IGF2BP3: variants seen among roughly 807,000 people sequenced by gnomAD.
IGF2BP3 encodes the protein insulin-like growth factor 2 mRNA-binding protein 3.
IGF2BP3 carries 9 observed loss-of-function variants against 73.8 expected under a neutral mutation model. The ratio of observed to expected loss-of-function variants is 0.12; its 90% confidence interval spans 0.07 to 0.21. The LOEUF is 0.21. Ranked by LOEUF, IGF2BP3 falls within the 10% of genes least tolerant of loss-of-function variation. The pLI is 1.00. For synonymous variants in IGF2BP3, 258 were observed against 256.7 expected (o/e 1.01, Z -0.05); for missense variants, 542 against 714.0 (o/e 0.76, Z 2.75).
Position 23,312,365 on chromosome 7 carries a change from C to A in IGF2BP3, c.1737G>T (p.Lys579Asn). 6.2e-7 allele frequency: 1 copy of A among 1,610,100 alleles called. No individual in the cohort carries two copies. Residue 579 changes from lysine (K) to asparagine (N), a missense_variant, in exon 15 of 15, where the codon AAG (lysine) becomes AAT (asparagine). This residue lies in a region of IGF2BP3 where 303 missense variants were observed against 472.1 expected (regional missense o/e 0.64). Coordinates refer to ENST00000258729, the MANE Select transcript of IGF2BP3 (RefSeq NM_006547.3). ...TGGTGGGCTGTTTCCTGAGCCTTTA[C>A]TTCCGTCTTGACTGAGGTGGTCCAC... ...LQSGPPQSRR[K>N]
chr7:23,373,523 G>A (rs1282948545), intron 3 of IGF2BP3, among the ~76,000 whole-genome samples: 1 of 152,120 alleles, frequency 6.6e-6, no homozygotes, highest in Non-Finnish European at 1.5e-5. Flanking sequence ...GATTCAAGGG[G>A]CATCATAAAA....
At chr7:23,436,703 A>G (rs1227982734) in intron 2 of IGF2BP3, among the ~76,000 whole-genome samples, 1 of 152,240 alleles carries the variant, frequency 6.6e-6, no homozygotes, top group Admixed American at 6.5e-5. Flanking sequence ...TATTTCCTAT[A>G]CCACAAAAAA....
chr7:23,468,386 G>C lies in IGF2BP3; in HGVS notation c.236+96C>G, dbSNP rs189524962. The C allele has an allele frequency of 1.3e-3, 1,638 of 1,246,476 alleles. 25 individuals are homozygous for C. In the Admixed American group the frequency reaches 0.023, roughly 17 times the overall value. The allele number at this position is 1,246,476 out of a possible 1,614,324, so 77.2% of individuals were successfully genotyped here. A position where few individuals can be genotyped will look rare whatever the true frequency, so the allele number is the denominator to read the frequency against. ...ACCGGAACACCACGCCACACGGCAG[G>C]GGGTAAGCACCAGAGGACAAGAAGT... On this transcript the variant is annotated intron_variant, in intron 2 of 14. Transcript: ENST00000258729.
At chr7:23,398,770 T>A (rs1786563298) in intron 3 of IGF2BP3, among the ~76,000 whole-genome samples, 1 of 152,232 alleles carries the variant, frequency 6.6e-6, no homozygotes, top group African/African-American at 2.4e-5. Flanking sequence ...GTATTTTTCT[T>A]GTAAATTTGT....
intron 2 of IGF2BP3, among the ~76,000 whole-genome samples, chr7:23,453,091 G>A (rs1462480855): frequency 6.6e-6 from 1 of 152,196 alleles, no homozygotes; most frequent in Admixed American, 6.5e-5. Flanking sequence ...TCGCGCCACT[G>A]CACTTCAGCC....
At chr7:23,325,104 T>C (rs1784258668) in intron 10 of IGF2BP3, among the ~76,000 whole-genome samples, 1 of 152,042 alleles carries the variant, frequency 6.6e-6, no homozygotes, top group Admixed American at 6.5e-5. Context: ...ATAAAGGGTA[T>C]TCAATTAGGA....
rs746242154 is a variant in IGF2BP3 at position 23,312,476 on chromosome 7, G to A, written c.1642-16C>T. On this transcript the variant is annotated splice_polypyrimidine_tract_variant and intron_variant, in intron 14 of 14. Transcript: ENST00000258729. Reference sequence around the variant, plus strand: ...TCTGGGCAACCTAGAAAAGGACAGAGCTTTGAAATTCCACTTGATCAAAAG... The same window carrying A: ...TCTGGGCAACCTAGAAAAGGACAGAACTTTGAAATTCCACTTGATCAAAAG... 4 of 1,556,348 alleles carry A rather than the reference G, an allele frequency of 2.6e-6. No homozygotes were observed. Among genetic ancestry groups the A allele is most frequent in the South Asian group, 2.2e-5 (2 of 89,918 alleles).
intron 10 of IGF2BP3, among the ~76,000 whole-genome samples, chr7:23,320,146 A>G (rs2128493021): frequency 6.6e-6 from 1 of 151,866 alleles, no homozygotes; most frequent in East Asian, 1.9e-4. Context: ...TCCTGACCTC[A>G]AATGATCCAC....
At chr7:23,368,580 A>G (rs991907320) in intron 3 of IGF2BP3, among the ~76,000 whole-genome samples, 15 of 152,218 alleles carry the variant, frequency 9.9e-5, no homozygotes, top group Middle Eastern at 3.4e-3. Context: ...TGTCCTAAAA[A>G]TGTGGTGATG....
At chr7:23,455,656 CT>C (rs1788298533) in intron 2 of IGF2BP3, among the ~76,000 whole-genome samples, 3 of 152,070 alleles carry the variant, frequency 2.0e-5, no homozygotes, top group African/African-American at 4.8e-5. Flanking sequence ...GTGAAAGCCA[CT>C]GTACTCCATG....
At chr7:23,346,396 T>C (rs1784828687) in intron 7 of IGF2BP3, among the ~76,000 whole-genome samples, 1 of 152,052 alleles carries the variant, frequency 6.6e-6, no homozygotes, top group African/African-American at 2.4e-5. Flanking sequence ...CCAGTACAAA[T>C]ATACACCTGG....
chr7:23,470,323 A>C lies in IGF2BP3; in HGVS notation c.-213T>G. On this transcript the variant is annotated 5_prime_UTR_variant, in exon 1 of 15. Coordinates refer to ENST00000258729, the MANE Select transcript of IGF2BP3 (RefSeq NM_006547.3). Reference sequence around the variant, plus strand: ...TCTAGATGTGTTTTAAAAGAGAAAGAAAAGAAAAAGCCTAGCTACAACCCA... The same window carrying C: ...TCTAGATGTGTTTTAAAAGAGAAAGCAAAGAAAAAGCCTAGCTACAACCCA... 1 of 383,892 alleles carries C rather than the reference A, an allele frequency of 2.6e-6. No individual in the cohort carries two copies. The highest frequency in any genetic ancestry group is 6.3e-5 in the South Asian group (1 of 15,764). The allele number at this position is 383,892 out of a possible 1,614,324, so 23.8% of individuals were successfully genotyped here. A position where few individuals can be genotyped will look rare whatever the true frequency, so the allele number is the denominator to read the frequency against.
In IGF2BP3 at chr7:23,469,977, G is replaced by A. The variant is rs775086521; in HGVS notation, c.134C>T (p.Pro45Leu). ...GGCCTTGAGGGCCCAGCTCTCGTCC[G>A]GGCAGTCCACGAACGCGTAGCCAGT... ...VKTGYAFVDC[P>L]DESWALKAIE... The change falls in exon 1 of 15, where the codon CCG (proline) becomes CTG (leucine). Residue 45 changes from proline (P) to leucine (L), a missense_variant. Physicochemically the swap from Pro to Leu is moderately conservative, Grantham distance 98. Transcript: ENST00000258729. This position sits in a 1 kb window ranked among gnomAD's most constrained non-coding sequence, Gnocchi z 6.1. 1.9e-6 allele frequency: 3 copies of A among 1,612,176 alleles called. No homozygotes were observed. Among genetic ancestry groups the A allele is most frequent in the Admixed American group, 1.7e-5 (1 of 59,962 alleles).
At chr7:23,331,492 A>C (rs977575236) in intron 10 of IGF2BP3, among the ~76,000 whole-genome samples, 1 of 152,206 alleles carries the variant, frequency 6.6e-6, no homozygotes, top group Non-Finnish European at 1.5e-5. Context: ...GGGTGTGTAC[A>C]GATGAGACAG....
At chr7:23,350,921 T>C (rs1415314009) in intron 6 of IGF2BP3, among the ~76,000 whole-genome samples, 2 of 152,190 alleles carry the variant, frequency 1.3e-5, no homozygotes, top group Admixed American at 6.5e-5. Flanking sequence ...CACCTCTGTA[T>C]TGAGGCCACA....
chr7:23,418,884 C>A, intron 2 of IGF2BP3, 60 bp from the exon 3 acceptor site: 1 of 1,078,512 alleles, frequency 9.3e-7, no homozygotes, highest in Non-Finnish European at 1.4e-6. Context: ...ACAATAATAG[C>A]CAACATGGAA....
At chr7:23,457,307 A>C (rs951684520) in intron 2 of IGF2BP3, among the ~76,000 whole-genome samples, 4 of 151,940 alleles carry the variant, frequency 2.6e-5, no homozygotes, top group Non-Finnish European at 5.9e-5. Context: ...CTACCAAAAA[A>C]TACAAAAATT....
intron 3 of IGF2BP3, among the ~76,000 whole-genome samples, chr7:23,363,444 G>A (rs1313228414): frequency 2.0e-5 from 3 of 150,116 alleles, no homozygotes; most frequent in African/African-American, 7.3e-5. Flanking sequence ...TGAGGGTCTC[G>A]GTATGTTGCC....
chr7:23,368,881 G>C (rs1224596268), intron 3 of IGF2BP3, among the ~76,000 whole-genome samples: 1 of 147,740 alleles, frequency 6.8e-6, no homozygotes, highest in Admixed American at 6.8e-5. Context: ...TGGGCCACGA[G>C]AGCAAAACTT....
Sources: gnomAD v4.1 joint callset for allele counts (sites outside exome capture counted in the v4.1 genomes callset) on GRCh38, gnomAD v4.1.1 for gene constraint, gnomAD v4.1.1 regional missense constraint, Gnocchi (gnomAD v3.1) non-coding constraint, MANE v1.5 for transcripts, NCBI Gene and HGNC (gene_info 2026-07-23, HGNC 2026-07-21) for gene names.